The following NUP214 variants were observed in gnomAD, a reference collection of about 807,000 sequenced individuals.
The protein encoded by NUP214 is nuclear pore complex protein Nup214.
A neutral mutation model predicts 196.2 loss-of-function variants in NUP214; 79 were observed. The ratio of observed to expected loss-of-function variants is 0.40; its 90% confidence interval spans 0.34 to 0.49. The LOEUF (loss-of-function observed/expected upper bound fraction) is 0.49, where lower values mean the gene tolerates loss of function less well. NUP214 is among the 20% of genes least tolerant of loss of function. The probability of loss-of-function intolerance (pLI) is 0.58; values close to 1 mark genes in which losing one functional copy is unlikely to be tolerated. For missense variants in NUP214, 2,468 were observed against 2,539.0 expected (o/e 0.97, Z 0.60); for synonymous variants, 1,020 against 990.5 (o/e 1.03, Z -0.56).
At chr9:131,131,330 T>C (rs1041426224) in intron 5 of NUP214, among the ~76,000 whole-genome samples, 1 of 152,264 alleles carries the variant, frequency 6.6e-6, no homozygotes, top group African/African-American at 2.4e-5. Context: ...GCATGTGCAC[T>C]CTGTCATCCT....
At chr9:131,174,349 T>C (rs1833042897) in intron 22 of NUP214, 31 bp downstream of exon 22, 1 of 1,597,678 alleles carries the variant, frequency 6.3e-7, no homozygotes, top group Non-Finnish European at 8.5e-7. Context: ...GAAACTGTTT[T>C]TCCCTATGAT....
intron 5 of NUP214, 141 bp from the exon 6 acceptor site, chr9:131,132,455 A>G: frequency 1.5e-6 from 1 of 688,776 alleles, no homozygotes; most frequent in South Asian, 1.8e-5. Flanking sequence ...GGAAGTAGAT[A>G]GCACTATTCT....
At chr9:131,197,065 C>A in intron 28 of NUP214, 151 bp from the exon 29 acceptor site, 1 of 1,038,910 alleles carries the variant, frequency 9.6e-7, no homozygotes, top group Non-Finnish European at 1.4e-6. Flanking sequence ...GCACTCATTC[C>A]ACCTCCTTAG....
At chr9:131,155,400 G>A (rs1000343226) in intron 17 of NUP214, among the ~76,000 whole-genome samples, 7 of 152,066 alleles carry the variant, frequency 4.6e-5, no homozygotes, top group Non-Finnish European at 1.0e-4. Context: ...GTCCATTGTC[G>A]AATGCATAGT....
chr9:131,134,204 C>G (rs1282670850), intron 7 of NUP214, among the ~76,000 whole-genome samples: 1 of 152,180 alleles, frequency 6.6e-6, no homozygotes, highest in African/African-American at 2.4e-5. Flanking sequence ...CCTCATCTCT[C>G]AGAGCACTAG....
intron 21 of NUP214, 156 bp downstream of exon 21, chr9:131,164,300 A>C (rs1362539166): frequency 1.6e-6 from 1 of 632,050 alleles, no homozygotes; most frequent in African/African-American, 1.8e-5. Flanking sequence ...GGATAGAGAA[A>C]ATGTCTCCAG....
At chr9:131,152,588 C>G (rs774100032) in intron 17 of NUP214, among the ~76,000 whole-genome samples, 1 of 152,028 alleles carries the variant, frequency 6.6e-6, no homozygotes. Flanking sequence ...TTATTTCTAG[C>G]CTTCAAAGCC....
At chr9:131,141,157 A>C (rs1831903754) in intron 11 of NUP214, among the ~76,000 whole-genome samples, 1 of 150,528 alleles carries the variant, frequency 6.6e-6, no homozygotes, top group African/African-American at 2.4e-5. Context: ...AAAAACCACT[A>C]TTCTTTGTGA....
rs761274085 is a variant in NUP214, at chr9:131,146,183, G to A, written c.1824G>A (p.Pro608=). The A allele has an allele frequency of 2.9e-5, 46 of 1,613,946 alleles. No individual in the cohort carries two copies. The highest frequency in any genetic ancestry group is 3.6e-5 in the Non-Finnish European group (43 of 1,180,002). Residue 608 remains proline (P), a synonymous_variant, in exon 13 of 36, where the codon CCG becomes CCA. Coordinates refer to ENST00000359428, the MANE Select transcript of NUP214 (RefSeq NM_005085.4). This position sits in a 1 kb window ranked among gnomAD's most constrained non-coding sequence, Gnocchi z 4.6. The part of the protein sequence containing the change: ...TPVSSSQSAP[P]MSPFSSASKP... ...TTAGTAGCTCCCAGAGCGCACCCCCGATGTCGCCATTCTCTTCTGCCTCCA... is the reference window on the plus strand; with the variant it reads ...TTAGTAGCTCCCAGAGCGCACCCCCAATGTCGCCATTCTCTTCTGCCTCCA...
At chr9:131,200,396 T>A (rs1319250562) in intron 29 of NUP214, among the ~76,000 whole-genome samples, 1 of 151,322 alleles carries the variant, frequency 6.6e-6, no homozygotes, top group Non-Finnish European at 1.5e-5. Flanking sequence ...GCCAACATGG[T>A]AAAACCCCAT....
chr9:131,196,091 G>A (rs1273428794), intron 28 of NUP214, among the ~76,000 whole-genome samples: 1 of 136,720 alleles, frequency 7.3e-6, no homozygotes, highest in Non-Finnish European at 1.5e-5. Flanking sequence ...AGAATTTGAA[G>A]CCCTATAAAG....
In NUP214 at chr9:131,198,400, G is replaced by C; in HGVS notation, c.4906G>C (p.Gly1636Arg). Reference sequence around the variant, plus strand: ...CCCATCTGCAGAGGCAGCAGCATTTGGTACCGTCACTTCTGGCTCATCCGT... The same window carrying C: ...CCCATCTGCAGAGGCAGCAGCATTTCGTACCGTCACTTCTGGCTCATCCGT... ...PGPSAEAAAF[G>R]TVTSGSSVFA... The change falls in exon 29 of 36, where the codon GGT becomes CGT. Residue 1636 changes from glycine (G) to arginine (R), a missense_variant. Gly to Arg is a moderately radical substitution (Grantham distance 125, BLOSUM62 -2). This residue lies in a region of NUP214 where 1,801 missense variants were observed against 1,779.4 expected (regional missense o/e 1.01). Coordinates refer to ENST00000359428, the MANE Select transcript of NUP214 (RefSeq NM_005085.4). 1 of 1,614,244 alleles carries C rather than the reference G, an allele frequency of 6.2e-7. No individual in the cohort carries two copies. The highest frequency in any genetic ancestry group is 2.2e-5 in the East Asian group (1 of 44,890).
At position 131,232,542 on chromosome 9, in the gene NUP214, G is replaced by GA; in HGVS notation, c.6239+238dup. The GA allele has an allele frequency of 1.7e-6, 1 of 596,804 alleles. No homozygotes were observed. 37.0% of individuals were successfully genotyped at this position (596,804 alleles called of 1,614,324 possible). On this transcript the variant is annotated intron_variant, in intron 35 of 35. Coordinates refer to ENST00000359428, the MANE Select transcript of NUP214 (RefSeq NM_005085.4). This position sits in a 1 kb window ranked among gnomAD's most constrained non-coding sequence, Gnocchi z 5.1. ...CTTCTTAAGAGGCGTGGTTCAAAGA[G>GA]AAAAGAGCACGCCTGCCAGTGAGCT...
intron 17 of NUP214, among the ~76,000 whole-genome samples, chr9:131,153,891 G>A (rs954219196): frequency 3.9e-5 from 6 of 152,226 alleles, no homozygotes; most frequent in South Asian, 2.1e-4. Context: ...AGAGAAAGAC[G>A]AACATGTAAA....
intron 1 of NUP214, 23 bp from the exon 2 acceptor site, chr9:131,127,501 C>T (rs1248159539): frequency 1.3e-6 from 2 of 1,570,960 alleles, no homozygotes; most frequent in Non-Finnish European, 1.7e-6. Flanking sequence ...TTGAATTGAT[C>T]TCGTTTTGAT....
chr9:131,226,877 G>T (rs2131103032), intron 32 of NUP214, among the ~76,000 whole-genome samples: 1 of 152,296 alleles, frequency 6.6e-6, no homozygotes, highest in East Asian at 1.9e-4. Flanking sequence ...GATTCAGATG[G>T]CAGAAGCTTG....
At position 131,212,995 on chromosome 9, in the gene NUP214, G is replaced by A. The variant is rs1261077941; in HGVS notation, c.5593-2217G>A. On this transcript the variant is annotated intron_variant, in intron 30 of 35. Coordinates refer to ENST00000359428, the MANE Select transcript of NUP214 (RefSeq NM_005085.4). ...TAGTTTTTAGATTTTCCATAATTTT[G>A]TAGTTTTTAGATTTTCCATAATTTT... 5.3e-5 allele frequency among the ~76,000 whole-genome samples: 8 copies of A among 150,918 alleles called. No individual in the cohort carries two copies. The East Asian group carries it at 1.6e-3, about 29-fold the overall frequency.
At chr9:131,149,100 T>G (rs1041694675) in intron 14 of NUP214, among the ~76,000 whole-genome samples, 2 of 152,018 alleles carry the variant, frequency 1.3e-5, no homozygotes, top group Admixed American at 6.6e-5. Flanking sequence ...TTGAGTGCCC[T>G]GAGAATAAGC....
chr9:131,147,147 C>T (rs1277413312), intron 13 of NUP214, among the ~76,000 whole-genome samples: 4 of 151,736 alleles, frequency 2.6e-5, no homozygotes, highest in Non-Finnish European at 4.4e-5. Flanking sequence ...CCACCACCGT[C>T]GGCTAATTTT....
Sources: gnomAD v4.1 joint callset for allele counts (sites outside exome capture counted in the v4.1 genomes callset) on GRCh38, gnomAD v4.1.1 for gene constraint, gnomAD v4.1.1 regional missense constraint, Gnocchi (gnomAD v3.1) non-coding constraint, MANE v1.5 for transcripts, NCBI Gene and HGNC (gene_info 2026-07-23, HGNC 2026-07-21) for gene names.